NDST1: variants seen among roughly 807,000 people sequenced by gnomAD.
The protein encoded by NDST1 is N-deacetylase and N-sulfotransferase 1.
NDST1 carries 35 observed loss-of-function variants against 92.8 expected under a neutral mutation model. The observed-to-expected ratio is 0.38, with a 90% CI of 0.29 to 0.50. The LOEUF (loss-of-function observed/expected upper bound fraction) is 0.50. Among genes scored for constraint, NDST1 ranks in the 20% least tolerant of loss-of-function variants. The pLI, the probability that NDST1 is intolerant of heterozygous loss-of-function variation, is 0.94. For missense variants in NDST1, 822 were observed against 1,182.7 expected, an observed-to-expected ratio of 0.69 and a Z score of 4.47; for synonymous variants, 493 against 500.3, an observed-to-expected ratio of 0.99 and a Z score of 0.19.
intron 3 of NDST1, among the ~76,000 whole-genome samples, chr5:150,532,594 C>G (rs1313731979): frequency 1.3e-5 from 2 of 152,104 alleles, no homozygotes; most frequent in Admixed American, 1.3e-4. Flanking sequence ...GTGGTGCGAT[C>G]TCGGCTCACT....
In NDST1 at chr5:150,521,065, A is replaced by G; in HGVS notation, c.-190A>G. 1 of 609,956 alleles carries G rather than the reference A, an allele frequency of 1.6e-6. No individual in the cohort carries two copies. Among genetic ancestry groups the G allele is most frequent in the East Asian group, 2.7e-5 (1 of 36,424 alleles). The allele number at this position is 609,956 out of a possible 1,614,324, so 37.8% of individuals were successfully genotyped here. On this transcript the variant is annotated 5_prime_UTR_variant, in exon 2 of 15. Transcript: ENST00000261797. The surrounding 1 kb of genome is among the most constrained non-coding windows in gnomAD (Gnocchi z 5.9). ...AGGAAGGAGCGTGACCAGCCTGTGG[A>G]CTGCGCCCCTGGCTGGGAGGAAGGA...
rs1416368815 is a variant in NDST1 at position 150,558,110 on chromosome 5, G to A, written c.*4778G>A. 6.6e-6 allele frequency: 1 copy of A among 152,550 alleles called. No homozygotes were observed. Among genetic ancestry groups the A allele is most frequent in the African/African-American group, 2.4e-5 (1 of 41,392 alleles). The allele number at this position is 152,550 out of a possible 1,614,324, so 9.4% of individuals were successfully genotyped here. ...GGGTGCTATCCAGTTCGCCTGATGA[G>A]GGCTCTCGAACCAGCCGTTTTGGGT... On this transcript the variant is annotated 3_prime_UTR_variant, in exon 15 of 15. Transcript: ENST00000261797.
chr5:150,512,548 A>G (rs922186652), intron 1 of NDST1, among the ~76,000 whole-genome samples: 9 of 152,176 alleles, frequency 5.9e-5, no homozygotes, highest in Admixed American at 5.2e-4. Flanking sequence ...TCCCAGAAAG[A>G]TCTCGAACCT....
At chr5:150,540,457 T>C (rs1561604581) in intron 8 of NDST1, among the ~76,000 whole-genome samples, 193 bp downstream of exon 8, 1 of 152,168 alleles carries the variant, frequency 6.6e-6, no homozygotes, top group Non-Finnish European at 1.5e-5. Context: ...CTCATACATG[T>C]ACATACTTCC....
In NDST1 at chr5:150,549,749, T is replaced by C; in HGVS notation, c.2388T>C (p.Leu796=). The C allele has an allele frequency of 1.2e-6, 2 of 1,613,956 alleles. No homozygotes were observed. Among genetic ancestry groups the C allele is most frequent in the Non-Finnish European group, 1.7e-6 (2 of 1,179,794 alleles). Residue 796 remains leucine, a synonymous_variant, in exon 13 of 15, where the codon CTT becomes CTC. Transcript: ENST00000261797. ...TGATGGACATGGTGCAGAAGTTCCT[T>C]GGGGTGACCAACACCATTGACTACC... ...AKVMDMVQKF[L]GVTNTIDYHK...
At position 150,540,129 on chromosome 5, in the gene NDST1, G is replaced by C; in HGVS notation, c.1614G>C (p.Leu538=). 3.7e-6 allele frequency: 6 copies of C among 1,614,196 alleles called. No individual in the cohort carries two copies. Among genetic ancestry groups the C allele is most frequent in the Non-Finnish European group, 5.1e-6 (6 of 1,180,042 alleles). The change falls in exon 8 of 15, where the codon CTG becomes CTC. Residue 538 remains leucine, a synonymous_variant. Coordinates refer to ENST00000261797, the MANE Select transcript of NDST1 (RefSeq NM_001543.5). ...THLSNYGNDR[L]GLYTFKHLVR... ...TGTCCAACTATGGGAATGACCGCCT[G>C]GGCCTGTACACCTTCAAGCACCTGG...
At chr5:150,498,426 C>G (rs868461496) in intron 1 of NDST1, among the ~76,000 whole-genome samples, 2 of 152,214 alleles carry the variant, frequency 1.3e-5, no homozygotes, top group Admixed American at 6.5e-5. Context: ...GCTGAGTGAT[C>G]TTGTAAGTGT....
At chr5:150,535,381 A>C (rs911689183) in intron 5 of NDST1, 52 of 985,372 alleles carry the variant, frequency 5.3e-5, no homozygotes, top group Middle Eastern at 1.0e-3. Flanking sequence ...TGCTAGGTAG[A>C]ATGAAGAGAA....
In NDST1 at chr5:150,533,026, C is replaced by T. The variant is rs1436915407; in HGVS notation, c.1090C>T (p.His364Tyr). The change falls in exon 4 of 15, where the codon CAC (histidine) becomes TAC (tyrosine). Residue 364 changes from histidine to tyrosine, a missense_variant. Transcript: ENST00000261797. ...FNLGYSGKFF[H>Y]TGTNAEDAGD... Reference sequence around the variant, plus strand: ...CCTGGGCTACTCAGGGAAATTCTTCCACACAGGTAAGTGGGCCTGCCCCTG... The same window carrying T: ...CCTGGGCTACTCAGGGAAATTCTTCTACACAGGTAAGTGGGCCTGCCCCTG... 4 of 1,614,006 alleles carry T rather than the reference C, an allele frequency of 2.5e-6. No homozygotes were observed. Among genetic ancestry groups the T allele is most frequent in the Non-Finnish European group, 3.4e-6 (4 of 1,179,968 alleles).
At chr5:150,548,461 C>T in intron 12 of NDST1, 73 bp downstream of exon 12, 1 of 1,535,438 alleles carries the variant, frequency 6.5e-7, no homozygotes, top group Non-Finnish European at 8.8e-7. Flanking sequence ...GAGCCTCCAA[C>T]TCTTTCTCAC....
intron 3 of NDST1, among the ~76,000 whole-genome samples, chr5:150,529,102 G>C (rs554762491): frequency 6.6e-6 from 1 of 152,104 alleles, no homozygotes; most frequent in African/African-American, 2.4e-5. Context: ...ATTCAAAAAA[G>C]GTTTGCTGGC....
chr5:150,541,546 A>G, intron 8 of NDST1, 24 bp from the exon 9 acceptor site: 7 of 1,612,296 alleles, frequency 4.3e-6, no homozygotes, highest in Non-Finnish European at 5.9e-6. Flanking sequence ...GGCGCCCCAC[A>G]CATCCCTTCC....
Position 150,521,867 on chromosome 5 carries a change from C to T in NDST1, c.513+100C>T. ...ATAGGTGTAATGGTAGCACCCGCCTCCTGGGGTTGTTGGGAGGGTTAAATG... is the reference window on the plus strand; with the variant it reads ...ATAGGTGTAATGGTAGCACCCGCCTTCTGGGGTTGTTGGGAGGGTTAAATG... On this transcript the variant is annotated intron_variant, in intron 2 of 14. Coordinates refer to ENST00000261797, the MANE Select transcript of NDST1 (RefSeq NM_001543.5). The surrounding 1 kb of genome is among the most constrained non-coding windows in gnomAD (Gnocchi z 5.9). The T allele has an allele frequency of 6.6e-7, 1 of 1,511,568 alleles. No individual in the cohort carries two copies. Among genetic ancestry groups the T allele is most frequent in the Non-Finnish European group, 9.1e-7 (1 of 1,103,880 alleles). 93.6% of individuals were successfully genotyped at this position (1,511,568 alleles called of 1,614,324 possible).
upstream of NDST1, among the ~76,000 whole-genome samples, chr5:150,503,267 A>AC (rs1196800098): frequency 2.6e-5 from 4 of 151,972 alleles, no homozygotes; most frequent in East Asian, 7.8e-4. Context: ...ATATGGAGAA[A>AC]CCCCGTCTCT....
chr5:150,552,218 A>G (rs1394494882), intron 14 of NDST1, among the ~76,000 whole-genome samples: 2 of 152,108 alleles, frequency 1.3e-5, no homozygotes, highest in African/African-American at 4.8e-5. Flanking sequence ...CACAAGTGCT[A>G]TGGGAATTCA....
chr5:150,502,002 G>A (rs969841781), intron 1 of NDST1, among the ~76,000 whole-genome samples: 2 of 152,202 alleles, frequency 1.3e-5, no homozygotes, highest in Admixed American at 6.5e-5. Context: ...TGGGTGGCCA[G>A]AGGCAGGGCT....
intron 3 of NDST1, among the ~76,000 whole-genome samples, chr5:150,531,802 C>T (rs1311327976): frequency 1.3e-5 from 2 of 152,190 alleles, no homozygotes; most frequent in African/African-American, 4.8e-5. Flanking sequence ...CCTGGCGGCT[C>T]TTACAGGTTT....
At chr5:150,517,883 G>A (rs1369878375) in intron 1 of NDST1, among the ~76,000 whole-genome samples, 14 of 152,242 alleles carry the variant, frequency 9.2e-5, no homozygotes, top group Non-Finnish European at 1.3e-4. Context: ...GGTGGCCAAC[G>A]TGGGCAGGGC....
At chr5:150,525,821 C>T (rs1427502213) in intron 2 of NDST1, among the ~76,000 whole-genome samples, 1 of 152,210 alleles carries the variant, frequency 6.6e-6, no homozygotes, top group Non-Finnish European at 1.5e-5. Flanking sequence ...GGGCCCCACA[C>T]ATGACCCCAT....
Sources: allele counts gnomAD v4.1 joint callset (sites outside exome capture counted in the v4.1 genomes callset), GRCh38; gene constraint gnomAD v4.1.1; non-coding constraint Gnocchi (gnomAD v3.1); transcripts MANE v1.5; gene names NCBI Gene and HGNC (gene_info 2026-07-23, HGNC 2026-07-21).